The following PAK1 variants were observed in gnomAD, a reference collection of about 807,000 sequenced individuals.
PAK1 encodes the protein p21 (RAC1) activated kinase 1, also known as serine/threonine-protein kinase PAK 1.
Under a neutral mutation model 67.4 loss-of-function variants are expected in PAK1, and 29 were observed. The observed-to-expected ratio is 0.43, with a 90% CI of 0.32 to 0.59. The LOEUF (loss-of-function observed/expected upper bound fraction) is 0.59, where lower values mean the gene tolerates loss of function less well. Ranked by LOEUF, PAK1 falls within the 20% of genes least tolerant of loss-of-function variation. The probability of loss-of-function intolerance (pLI) is 0.07; values close to 1 mark genes in which losing one functional copy is unlikely to be tolerated. For synonymous variants in PAK1, 223 were observed against 237.4 expected, an observed-to-expected ratio of 0.94 and a Z score of 0.56; for missense variants, 337 against 670.7, an observed-to-expected ratio of 0.50 and a Z score of 5.50.
At chr11:77,481,131 T>C in the PAK1 span, among the ~76,000 whole-genome samples, 308 of 152,346 alleles carry the variant, frequency 2.0e-3, 2 homozygotes, top group African/African-American at 7.1e-3. Context: ...ATTTCTATTA[T>C]ATCAATTATA....
chr11:77,484,981 G>C, the PAK1 span, among the ~76,000 whole-genome samples: 1 of 152,166 alleles, frequency 6.6e-6, no homozygotes, highest in South Asian at 2.1e-4. Context: ...GCTTGTACAG[G>C]AAAACTCCCC....
At chr11:77,347,883 T>C (rs1944673354) in intron 9 of PAK1, among the ~76,000 whole-genome samples, 1 of 152,222 alleles carries the variant, frequency 6.6e-6, no homozygotes, top group African/African-American at 2.4e-5. Flanking sequence ...GCACATTTTA[T>C]AAATATATAA....
At chr11:77,503,792 C>A in the PAK1 span, among the ~76,000 whole-genome samples, 7 of 152,194 alleles carry the variant, frequency 4.6e-5, no homozygotes, top group African/African-American at 1.7e-4. Context: ...GTCGAGGTTG[C>A]AGTGAGCCAT....
chr11:77,363,554 G>A (rs1947089763), intron 5 of PAK1, among the ~76,000 whole-genome samples: 1 of 152,150 alleles, frequency 6.6e-6, no homozygotes, highest in Non-Finnish European at 1.5e-5. Context: ...TTTCACTTAG[G>A]CACCATATTC....
intron 1 of PAK1, among the ~76,000 whole-genome samples, chr11:77,442,822 C>G (rs778818478): frequency 6.6e-6 from 1 of 152,056 alleles, no homozygotes; most frequent in South Asian, 2.1e-4. Flanking sequence ...AAAGTCCAGC[C>G]GAAATGAAAC....
At chr11:77,361,499 T>C (rs1376662957) in intron 5 of PAK1, among the ~76,000 whole-genome samples, 2 of 152,198 alleles carry the variant, frequency 1.3e-5, no homozygotes, top group African/African-American at 4.8e-5. Context: ...ATAAAAACTC[T>C]GGAGTTTAGA....
At chr11:77,416,239 A>G (rs937910890) in intron 1 of PAK1, among the ~76,000 whole-genome samples, 3 of 152,166 alleles carry the variant, frequency 2.0e-5, no homozygotes, top group African/African-American at 7.2e-5. Context: ...TCAGCCTCCC[A>G]AAGTGCTAGC....
intron 1 of PAK1, among the ~76,000 whole-genome samples, chr11:77,450,511 G>C (rs1413257409): frequency 6.6e-6 from 1 of 152,158 alleles, no homozygotes; most frequent in Non-Finnish European, 1.5e-5. Context: ...TTAAAGACTA[G>C]AAAATCCTTG....
intron 1 of PAK1, among the ~76,000 whole-genome samples, chr11:77,435,657 C>CTTTTTTTTTTTTTT (rs35603502): frequency 2.2e-3 from 154 of 68,610 alleles, no homozygotes; most frequent in African/African-American, 4.6e-3. Flanking sequence ...CTACACCTGG[C>CTTTTTTTTTTTTTT]TTTTTTTTTT....
At chr11:77,516,550 G>C in the PAK1 span, among the ~76,000 whole-genome samples, 1 of 152,158 alleles carries the variant, frequency 6.6e-6, no homozygotes, top group East Asian at 1.9e-4. Context: ...TATTATAACT[G>C]TCTCTTTAAC....
intron 2 of PAK1, among the ~76,000 whole-genome samples, chr11:77,382,875 G>A (rs1000041235): frequency 6.6e-6 from 1 of 152,192 alleles, no homozygotes; most frequent in Non-Finnish European, 1.5e-5. Context: ...ACACATGCGT[G>A]TAATCCCAGC....
chr11:77,494,423 G>C, the PAK1 span, among the ~76,000 whole-genome samples: 1 of 152,022 alleles, frequency 6.6e-6, no homozygotes, highest in African/African-American at 2.4e-5. Context: ...TTTAGACAAA[G>C]AGTCTTGTTG....
At chr11:77,488,863 A>T in the PAK1 span, among the ~76,000 whole-genome samples, 2 of 152,216 alleles carry the variant, frequency 1.3e-5, no homozygotes, top group African/African-American at 4.8e-5. Flanking sequence ...CGAGAGAGAG[A>T]TCTGGGTAAA....
At chr11:77,334,118 G>C (rs1465353523) in intron 13 of PAK1, among the ~76,000 whole-genome samples, 2 of 151,040 alleles carry the variant, frequency 1.3e-5, no homozygotes, top group Non-Finnish European at 2.9e-5. Flanking sequence ...GCGGTGAGCT[G>C]AGATCACACC....
chr11:77,402,738 C>G (rs867855200), intron 1 of PAK1, among the ~76,000 whole-genome samples: 2 of 152,322 alleles, frequency 1.3e-5, no homozygotes, highest in Middle Eastern at 3.4e-3. Flanking sequence ...TGATTTCCCA[C>G]ATTGCCACAT....
intron 14 of PAK1, among the ~76,000 whole-genome samples, chr11:77,324,172 C>CTTTT (rs11324143): frequency 0.081 from 10,321 of 127,192 alleles, 1,215 homozygotes; most frequent in African/African-American, 0.24. Context: ...AAAGCAATTC[C>CTTTT]TTTTTTTTTT....
At chr11:77,505,548 T>C in the PAK1 span, among the ~76,000 whole-genome samples, 1 of 152,188 alleles carries the variant, frequency 6.6e-6, no homozygotes, top group Non-Finnish European at 1.5e-5. Flanking sequence ...CCATATCCAT[T>C]AAACAACAGC....
chr11:77,446,455 T>C (rs938168443), intron 1 of PAK1, among the ~76,000 whole-genome samples: 1 of 138,972 alleles, frequency 7.2e-6, no homozygotes, highest in Non-Finnish European at 1.5e-5. Flanking sequence ...GAGGTTGCAG[T>C]GAGCCAAGAT....
intron 1 of PAK1, among the ~76,000 whole-genome samples, chr11:77,434,249 T>C (rs1400614766): frequency 6.6e-6 from 1 of 152,036 alleles, no homozygotes; most frequent in Non-Finnish European, 1.5e-5. Context: ...ATCCATGAAC[T>C]GATAAAGGAA....
Sources: gnomAD v4.1 joint callset for allele counts (sites outside exome capture counted in the v4.1 genomes callset) on GRCh38, gnomAD v4.1.1 for gene constraint, MANE v1.5 for transcripts, NCBI Gene and HGNC (gene_info 2026-07-23, HGNC 2026-07-21) for gene names.